Variants in TXNDC16 observed in about 807,000 individuals in gnomAD.
TXNDC16 encodes thioredoxin domain-containing protein 16.
In TXNDC16, 74 loss-of-function variants were observed where a neutral mutation model predicts 85.6. The observed-to-expected ratio is 0.86, with a 90% CI of 0.72 to 1.05. TXNDC16 has a LOEUF of 1.05. Among genes scored for constraint, TXNDC16 ranks in the 50% least tolerant of loss-of-function variants. The pLI is 0.00. For missense variants in TXNDC16, 959 were observed against 947.0 expected (o/e 1.01, Z -0.17); for synonymous variants, 335 against 326.5 (o/e 1.03, Z -0.28).
intron 14 of TXNDC16, among the ~76,000 whole-genome samples, chr14:52,479,509 T>C (rs2036097778): frequency 6.6e-6 from 1 of 151,602 alleles, no homozygotes. Context: ...AGCTCTTCTA[T>C]ACACCAACAG....
At chr14:52,480,959 GTGTATATATATATATGTATATA>G (rs1258220429) in intron 14 of TXNDC16, among the ~76,000 whole-genome samples, 6 of 89,544 alleles carry the variant, frequency 6.7e-5, no homozygotes, top group Admixed American at 4.4e-4. Context: ...GTGTGTGTGT[GTGTATATATATATATGTATATA>G]TATATATATA....
intron 18 of TXNDC16, among the ~76,000 whole-genome samples, chr14:52,453,683 G>C (rs1331623771): frequency 6.6e-6 from 1 of 152,164 alleles, no homozygotes; most frequent in Non-Finnish European, 1.5e-5. Flanking sequence ...GCTGGGAAGG[G>C]TAGTGGAAGA....
At chr14:52,498,002 T>C (rs2036572094) in intron 9 of TXNDC16, among the ~76,000 whole-genome samples, 1 of 151,842 alleles carries the variant, frequency 6.6e-6, no homozygotes, top group Non-Finnish European at 1.5e-5. Flanking sequence ...CAGAAACTAA[T>C]TAATGTAATA....
intron 6 of TXNDC16, among the ~76,000 whole-genome samples, chr14:52,532,545 T>C (rs889014540): frequency 6.6e-6 from 1 of 152,018 alleles, no homozygotes; most frequent in Admixed American, 6.6e-5. Flanking sequence ...CACACCATTC[T>C]CCTGCCTCAG....
At chr14:52,532,780 A>G (rs531837920) in intron 6 of TXNDC16, among the ~76,000 whole-genome samples, 1 of 152,204 alleles carries the variant, frequency 6.6e-6, no homozygotes, top group South Asian at 2.1e-4. Context: ...GTAAGAGTAC[A>G]ACAGAAAAAA....
At chr14:52,548,089 G>T (rs1226713280) in intron 1 of TXNDC16, among the ~76,000 whole-genome samples, 3 of 152,158 alleles carry the variant, frequency 2.0e-5, no homozygotes, top group Non-Finnish European at 4.4e-5. Flanking sequence ...TCAAAATTAG[G>T]CCTTGTCTGT....
chr14:52,536,841 T>C, intron 5 of TXNDC16, 48 bp from the exon 6 acceptor site: 3 of 1,448,574 alleles, frequency 2.1e-6, no homozygotes, highest in Non-Finnish European at 2.8e-6. Flanking sequence ...ACAAAAAATA[T>C]TTCCTTAGAA....
intron 9 of TXNDC16, among the ~76,000 whole-genome samples, chr14:52,492,778 A>G (rs1021572009): frequency 1.3e-5 from 2 of 152,122 alleles, no homozygotes; most frequent in Non-Finnish European, 2.9e-5. Flanking sequence ...GCAGCTTACA[A>G]TGGTGCCACC....
chr14:52,509,477 C>T (rs75340586), intron 9 of TXNDC16, among the ~76,000 whole-genome samples: 2,039 of 135,602 alleles, frequency 0.015, 63 homozygotes, highest in African/African-American at 0.056. Context: ...GAACGAAAGA[C>T]CTTTAAACTG....
At chr14:52,549,828 G>A (rs912451828) in intron 1 of TXNDC16, among the ~76,000 whole-genome samples, 3 of 151,976 alleles carry the variant, frequency 2.0e-5, no homozygotes, top group Non-Finnish European at 2.9e-5. Context: ...TAGTAGAGAC[G>A]GGGTTTCACT....
chr14:52,548,196 G>A (rs1422034692), intron 1 of TXNDC16, among the ~76,000 whole-genome samples: 3 of 152,212 alleles, frequency 2.0e-5, no homozygotes, highest in East Asian at 1.9e-4. Context: ...GGGACTGAAC[G>A]AAGGCAGAAC....
intron 9 of TXNDC16, among the ~76,000 whole-genome samples, chr14:52,503,259 G>A (rs971524379): frequency 8.5e-5 from 13 of 152,196 alleles, no homozygotes; most frequent in African/African-American, 2.2e-4. Context: ...CTTGAGATCT[G>A]AGAACAGACT....
At chr14:52,452,244 G>A (rs1018694815) in intron 18 of TXNDC16, among the ~76,000 whole-genome samples, 3 of 152,126 alleles carry the variant, frequency 2.0e-5, no homozygotes, top group African/African-American at 4.8e-5. Flanking sequence ...TTGTTAAAAT[G>A]TTCTTAATAC....
chr14:52,440,518 T>C, intron 19 of TXNDC16, 46 bp downstream of exon 19: 4 of 1,438,848 alleles, frequency 2.8e-6, no homozygotes, highest in Non-Finnish European at 2.8e-6. Flanking sequence ...GTAATAATTA[T>C]TACTTTCTTT....
intron 19 of TXNDC16, 78 bp from the exon 20 acceptor site, chr14:52,439,472 A>G (rs1243266557): frequency 4.5e-6 from 6 of 1,333,968 alleles, no homozygotes; most frequent in Non-Finnish European, 6.1e-6. Context: ...GTAGAACATT[A>G]AACTTTTAAG....
rs1440054739 is a variant in TXNDC16 at position 52,431,532 on chromosome 14, G to C, written c.*772C>G. ...AAACATGATACGTGAGCAGAACCAGGAAATTCTGGAAACCTAGTCTGCCAC... is the reference window on the plus strand; with the variant it reads ...AAACATGATACGTGAGCAGAACCAGCAAATTCTGGAAACCTAGTCTGCCAC... On this transcript the variant is annotated 3_prime_UTR_variant, in exon 21 of 21. Transcript: ENST00000281741. The C allele has an allele frequency of 6.6e-6, 1 of 152,158 alleles. No individual in the cohort carries two copies. Among genetic ancestry groups the C allele is most frequent in the African/African-American group, 2.4e-5 (1 of 41,444 alleles). 9.4% of individuals were successfully genotyped at this position (152,158 alleles called of 1,614,324 possible).
intron 9 of TXNDC16, among the ~76,000 whole-genome samples, chr14:52,505,268 A>G (rs1173109917): frequency 1.3e-5 from 2 of 152,190 alleles, no homozygotes; most frequent in Non-Finnish European, 2.9e-5. Flanking sequence ...CACAATATAC[A>G]TTCTTTTCAG....
intron 6 of TXNDC16, among the ~76,000 whole-genome samples, chr14:52,529,790 TATA>T (rs1250587087): frequency 1.4e-4 from 16 of 115,010 alleles, no homozygotes; most frequent in African/African-American, 5.3e-4. Context: ...GTATATATTA[TATA>T]ATAATTATAT....
chr14:52,523,485 T>C (rs1469941592), intron 6 of TXNDC16, among the ~76,000 whole-genome samples: 1 of 152,096 alleles, frequency 6.6e-6, no homozygotes, highest in Non-Finnish European at 1.5e-5. Context: ...AAAATGTAAA[T>C]GTTTTACCAT....
Sources: allele counts gnomAD v4.1 joint callset (sites outside exome capture counted in the v4.1 genomes callset), GRCh38; gene constraint gnomAD v4.1.1; transcripts MANE v1.5; gene names NCBI Gene and HGNC (gene_info 2026-07-23, HGNC 2026-07-21).